The following BCAR1 variants were observed in gnomAD, a reference collection of about 807,000 sequenced individuals.
BCAR1 encodes BCAR1 scaffold protein, Cas family member, also known as breast cancer anti-estrogen resistance protein 1.
A neutral mutation model predicts 67.6 loss-of-function variants in BCAR1; 30 were observed. That is an observed-to-expected ratio of 0.44 (90% CI 0.33 to 0.60). The LOEUF is 0.60. Among genes scored for constraint, BCAR1 ranks in the 20% least tolerant of loss-of-function variants. The pLI, the probability that BCAR1 is intolerant of heterozygous loss-of-function variation, is 0.02. For missense variants in BCAR1, 1,313 were observed against 1,222.3 expected (o/e 1.07, Z -1.11); for synonymous variants, 626 against 556.7 (o/e 1.12, Z -1.75).
At position 75,266,928 on chromosome 16, in the gene BCAR1, C is replaced by T. The variant is rs142578028; in HGVS notation, c.66+987G>A. 4.6e-3 allele frequency: 2,534 copies of T among 553,176 alleles called. 13 individuals are homozygous for T. The highest frequency in any genetic ancestry group is 0.023 in the Middle Eastern group (46 of 1,978). 34.3% of individuals were successfully genotyped at this position (553,176 alleles called of 1,614,324 possible). ...CCTGGGGGCAGAAAGCTCCAGCTGCCTAGGGAATCTCTGTGTGGGTGCCCA... is the reference window on the plus strand; with the variant it reads ...CCTGGGGGCAGAAAGCTCCAGCTGCTTAGGGAATCTCTGTGTGGGTGCCCA... On this transcript the variant is annotated intron_variant, in intron 1 of 6. Coordinates refer to the BCAR1 transcript ENST00000393422.
chr16:75,264,790 G>C (rs530046811), intron 1 of BCAR1: 2 of 495,982 alleles, frequency 4.0e-6, no homozygotes, highest in Non-Finnish European at 2.9e-6. Flanking sequence ...TCCGGGTGAG[G>C]AGCAGTTCCA....
rs893095167 is a variant in BCAR1 at position 75,237,338 on chromosome 16, C to A, written c.640G>T (p.Val214Leu). ...TAGCCCTGCCCCACGCGGGTGGGCA[C>A]CACCACCTGGGGGCAGAGAGCCGAC... ...EGTKPPAKVV[V>L]PTRVGQGYVY... is the part of the protein sequence containing the mutation. Residue 214 changes from valine to leucine, a missense_variant, in exon 3 of 7, where the codon GTG (valine) becomes TTG (leucine). This residue lies in a region of BCAR1 where 1,272 missense variants were observed against 1,137.5 expected (regional missense o/e 1.12). Coordinates refer to ENST00000162330, the MANE Select transcript of BCAR1 (RefSeq NM_014567.5). The A allele has an allele frequency of 1.7e-5, 25 of 1,463,284 alleles. No homozygotes were observed. Among genetic ancestry groups the A allele is most frequent in the Non-Finnish European group, 2.2e-5 (24 of 1,109,150 alleles). 90.6% of individuals were successfully genotyped at this position (1,463,284 alleles called of 1,614,324 possible).
At chr16:75,266,845 GA>G in intron 1 of BCAR1, 1 of 1,236,460 alleles carries the variant, frequency 8.1e-7, no homozygotes, top group Non-Finnish European at 1.0e-6. Flanking sequence ...CCCCAGGGAG[GA>G]AAGACGGAGC....
intron 6 of BCAR1, 75 bp from the exon 7 acceptor site, chr16:75,230,098 C>G: frequency 1.3e-6 from 2 of 1,494,124 alleles, no homozygotes; most frequent in South Asian, 2.7e-5. Flanking sequence ...CCTGGGCACC[C>G]TGGGCTGGGC....
Position 75,243,107 on chromosome 16 carries a change from C to T in BCAR1, c.13-17G>A. 2 of 1,567,902 alleles carry T rather than the reference C, an allele frequency of 1.3e-6. No homozygotes were observed. Among genetic ancestry groups the T allele is most frequent in the Non-Finnish European group, 1.7e-6 (2 of 1,153,082 alleles). On this transcript the variant is annotated splice_polypyrimidine_tract_variant and intron_variant, in intron 1 of 6. Transcript: ENST00000162330. ...CAGCACGTTCTGGGGAGAGAGGACA[C>T]AGGTGTGAGAACAGAAGGATGTGCA...
chr16:75,238,656 C>G lies in BCAR1; in HGVS notation c.634-1312G>C, dbSNP rs578076451. ...TCCAGCACGCCTGGTAGCAGAGTCC[C>G]GGCTGGGGGCCTCCGTGGGGTGTCC... On this transcript the variant is annotated intron_variant, in intron 2 of 6. Coordinates refer to ENST00000162330, the MANE Select transcript of BCAR1 (RefSeq NM_014567.5). 6.1e-5 allele frequency: 60 copies of G among 985,966 alleles called. No individual in the cohort carries two copies. In the South Asian group the frequency reaches 2.5e-3, roughly 42 times the overall value. The allele number at this position is 985,966 out of a possible 1,614,324, so 61.1% of individuals were successfully genotyped here. A position where few individuals can be genotyped will look rare whatever the true frequency, so the allele number is the denominator to read the frequency against.
At chr16:75,264,367 T>A (rs1235755656) in intron 1 of BCAR1, 1 of 1,529,576 alleles carries the variant, frequency 6.5e-7, no homozygotes, top group Non-Finnish European at 8.7e-7. Context: ...TCCAGCAGGC[T>A]CAGGTGGTCC....
intron 1 of BCAR1, among the ~76,000 whole-genome samples, chr16:75,267,010 C>G (rs1372117539): frequency 2.0e-5 from 3 of 152,130 alleles, no homozygotes; most frequent in Non-Finnish European, 4.4e-5. Context: ...GCCACGGTGG[C>G]TGGATGGAGG....
At chr16:75,246,404 A>G (rs2077526175) in intron 1 of BCAR1, 1 of 152,234 alleles carries the variant, frequency 6.6e-6, no homozygotes, top group South Asian at 2.1e-4. Context: ...GACACCAAAC[A>G]ATTTGCTTTC....
intron 1 of BCAR1, chr16:75,264,063 G>A: frequency 1.6e-6 from 2 of 1,241,114 alleles, no homozygotes; most frequent in South Asian, 4.0e-5. Context: ...ATGACTCAGA[G>A]CCCGTGATGG....
chr16:75,261,834 C>T (rs1459221206), intron 1 of BCAR1, among the ~76,000 whole-genome samples: 1 of 152,242 alleles, frequency 6.6e-6, no homozygotes, highest in Non-Finnish European at 1.5e-5. Flanking sequence ...CTCCTCCCCA[C>T]GCTGGCTGCC....
chr16:75,260,060 G>C (rs570036996), intron 1 of BCAR1, among the ~76,000 whole-genome samples: 91 of 151,760 alleles, frequency 6.0e-4, no homozygotes, highest in Admixed American at 4.6e-3. Context: ...TGGGAATAGT[G>C]GTGGGCACCT....
chr16:75,242,189 C>T (rs1231386289), intron 2 of BCAR1, among the ~76,000 whole-genome samples: 3 of 152,268 alleles, frequency 2.0e-5, no homozygotes. Flanking sequence ...CGCCTGCCCA[C>T]TGGAACGCCT....
At position 75,229,485 on chromosome 16, in the gene BCAR1, C is replaced by T. The variant is rs746969552; in HGVS notation, c.*26G>A. Reference sequence around the variant, plus strand: ...GAGCTGGGACCGCCGCACCCCTCCCCTGCCTCCCTCCTGGGGTCACCACCC... The same window carrying T: ...GAGCTGGGACCGCCGCACCCCTCCCTTGCCTCCCTCCTGGGGTCACCACCC... On this transcript the variant is annotated 3_prime_UTR_variant, in exon 7 of 7. Transcript: ENST00000162330. The T allele has an allele frequency of 3.3e-6, 5 of 1,509,190 alleles. No individual in the cohort carries two copies. The allele number at this position is 1,509,190 out of a possible 1,614,324, so 93.5% of individuals were successfully genotyped here.
chr16:75,234,051 G>GCACACACACGCACACGTGGACGCA, intron 5 of BCAR1, 116 bp from the exon 6 acceptor site: 1 of 849,528 alleles, frequency 1.2e-6, no homozygotes, highest in Non-Finnish European at 1.9e-6. Context: ...GCGTGTGCGC[G>GCACACACACGCACACGTGGACGCA]CACACACACG....
At chr16:75,241,859 G>A (rs1221978133) in intron 2 of BCAR1, among the ~76,000 whole-genome samples, 1 of 152,112 alleles carries the variant, frequency 6.6e-6, no homozygotes, top group Non-Finnish European at 1.5e-5. Flanking sequence ...AGGGTCTGGA[G>A]GCCAGAGGTC....
chr16:75,234,956 G>A lies in BCAR1; in HGVS notation c.1943C>T (p.Ser648Leu), dbSNP rs1327511106. ...GCTGTTCTCGTACTGCCCATCTGGC[G>A]AGTCCTGGGAGGTGAACTTAGGGGG... ...PSPPKFTSQDSPDGQYENSEG... is the reference protein window; with the variant it reads ...PSPPKFTSQDLPDGQYENSEG... The change falls in exon 5 of 7, where the codon TCG becomes TTG. Residue 648 changes from serine to leucine, a missense_variant. Physicochemically the swap from Ser to Leu is moderately radical, Grantham distance 145. Transcript: ENST00000162330. 11 of 1,589,040 alleles carry A rather than the reference G, an allele frequency of 6.9e-6. No homozygotes were observed. Among genetic ancestry groups the A allele is most frequent in the African/African-American group, 4.0e-5 (3 of 74,560 alleles).
rs776991800 is a variant in BCAR1, at chr16:75,237,214, C to G, written c.764G>C (p.Arg255Pro). Residue 255 changes from arginine (R) to proline (P), a missense_variant, in exon 3 of 7, where the codon CGG becomes CCG. Coordinates refer to ENST00000162330, the MANE Select transcript of BCAR1 (RefSeq NM_014567.5). ...PQDIYDVPPVRGLLPSQYGQE... is the reference protein window; with the variant it reads ...PQDIYDVPPVPGLLPSQYGQE... ...GCCATACTGGCTGGGAAGCAGCCCC[C>G]GAACCGGGGGCACATCATAGATGTC... The G allele has an allele frequency of 2.6e-6, 4 of 1,567,934 alleles. No homozygotes were observed. The highest frequency in any genetic ancestry group is 1.4e-5 in the African/African-American group (1 of 73,290).
chr16:75,252,884 T>C (rs2077708237), upstream of BCAR1, among the ~76,000 whole-genome samples: 1 of 152,130 alleles, frequency 6.6e-6, no homozygotes, highest in African/African-American at 2.4e-5. Flanking sequence ...GGACAGCCCA[T>C]GATTTGCTGC....
Sources: gnomAD v4.1 joint callset for allele counts (sites outside exome capture counted in the v4.1 genomes callset) on GRCh38, gnomAD v4.1.1 for gene constraint, gnomAD v4.1.1 regional missense constraint, MANE v1.5 for transcripts, NCBI Gene and HGNC (gene_info 2026-07-23, HGNC 2026-07-21) for gene names.